The following DPP10 variants were observed in gnomAD, a reference collection of about 807,000 sequenced individuals.
The protein encoded by DPP10 is inactive dipeptidyl peptidase 10.
DPP10 carries 33 observed loss-of-function variants against 120.9 expected under a neutral mutation model. That is an observed-to-expected ratio of 0.27 (90% confidence interval 0.21 to 0.37). The LOEUF is 0.37. DPP10 is among the 10% of genes least tolerant of loss of function. DPP10 has a pLI of 1.00. For synonymous variants in DPP10, 337 were observed against 326.1 expected (o/e 1.03, Z -0.36); for missense variants, 816 against 942.8 (o/e 0.87, Z 1.76).
chr2:114,507,040 CT>C (rs1036405473), intron 1 of DPP10, among the ~76,000 whole-genome samples: 6 of 132,462 alleles, frequency 4.5e-5, no homozygotes, highest in Admixed American at 7.2e-5. Flanking sequence ...TCTTTTTTTT[CT>C]TTTTTTTTCT....
chr2:115,433,392 G>A (rs1230532861), intron 3 of DPP10, among the ~76,000 whole-genome samples: 1 of 151,588 alleles, frequency 6.6e-6, no homozygotes, highest in African/African-American at 2.4e-5. Context: ...ATTCAGGCAG[G>A]GCTACTTTAG....
intron 2 of DPP10, among the ~76,000 whole-genome samples, chr2:115,332,511 G>A (rs2062815843): frequency 6.6e-6 from 1 of 152,074 alleles, no homozygotes; most frequent in South Asian, 2.1e-4. Context: ...TTTTAATTGT[G>A]TTGTTAGGGT....
intron 3 of DPP10, among the ~76,000 whole-genome samples, chr2:115,498,652 C>G (rs951610325): frequency 2.0e-5 from 3 of 149,566 alleles, no homozygotes; most frequent in Admixed American, 6.7e-5. Context: ...ATATTCAAAC[C>G]TACTTTAATG....
intron 5 of DPP10, among the ~76,000 whole-genome samples, chr2:115,530,842 C>T (rs534226787): frequency 2.6e-5 from 4 of 152,072 alleles, no homozygotes; most frequent in African/African-American, 9.7e-5. Context: ...GAGGTATAGC[C>T]CCAGCTTTGG....
chr2:115,796,584 C>T (rs1369099052), intron 19 of DPP10, among the ~76,000 whole-genome samples: 1 of 152,076 alleles, frequency 6.6e-6, no homozygotes, highest in Admixed American at 6.6e-5. Context: ...TAGTTTTGTA[C>T]TCAGAATGAG....
intron 5 of DPP10, among the ~76,000 whole-genome samples, chr2:115,562,752 T>A (rs1254020733): frequency 2.0e-5 from 3 of 152,202 alleles, no homozygotes; most frequent in African/African-American, 7.2e-5. Context: ...TGAAAAACAC[T>A]ATTTCAGTTT....
At chr2:115,543,654 A>G (rs985215375) in intron 5 of DPP10, among the ~76,000 whole-genome samples, 1 of 151,914 alleles carries the variant, frequency 6.6e-6, no homozygotes, top group African/African-American at 2.4e-5. Flanking sequence ...TGTCTCCCTC[A>G]CATGCCTAGA....
At chr2:115,777,124 G>T in intron 13 of DPP10, 84 bp from the exon 14 acceptor site, 1 of 1,206,098 alleles carries the variant, frequency 8.3e-7, no homozygotes, top group Non-Finnish European at 1.2e-6. Context: ...AATTCGAAGT[G>T]TCACAAGCAG....
At position 115,462,620 on chromosome 2, in the gene DPP10, C is replaced by T. The variant is rs185647051; in HGVS notation, c.272-36890C>T. The stretch of plus-strand genomic sequence containing the variant: ...TAATATTGAATACAGAATCCGAAAC[C>T]GTAATAGGTTGTCTCACACATATAT... On this transcript the variant is annotated intron_variant, in intron 3 of 25. Coordinates refer to ENST00000410059, the MANE Select transcript of DPP10 (RefSeq NM_020868.6). 1.3e-3 allele frequency among the ~76,000 whole-genome samples: 197 copies of T among 152,050 alleles called. 1 individual carries two copies. The highest frequency in any genetic ancestry group is 4.6e-3 in the African/African-American group (190 of 41,458).
intron 1 of DPP10, among the ~76,000 whole-genome samples, chr2:115,003,913 A>C (rs976568858): frequency 1.3e-5 from 2 of 152,204 alleles, no homozygotes; most frequent in Admixed American, 1.3e-4. Flanking sequence ...GTATTAGTTT[A>C]CTACATAATG....
chr2:115,170,434 A>T (rs1297101827), intron 1 of DPP10, among the ~76,000 whole-genome samples: 3 of 152,324 alleles, frequency 2.0e-5, no homozygotes, highest in Non-Finnish European at 4.4e-5. Context: ...GAGGAAAAAA[A>T]ACTGAAATCC....
intron 5 of DPP10, among the ~76,000 whole-genome samples, chr2:115,602,314 A>G (rs550689266): frequency 6.6e-6 from 1 of 152,338 alleles, no homozygotes; most frequent in Non-Finnish European, 1.5e-5. Context: ...GAGAAACATA[A>G]TGAATGGTTT....
chr2:115,688,709 T>G (rs1239281794), intron 5 of DPP10, among the ~76,000 whole-genome samples: 2 of 152,162 alleles, frequency 1.3e-5, no homozygotes, highest in Non-Finnish European at 2.9e-5. Context: ...ATCTCATTAT[T>G]AAGAAGCAAA....
intron 1 of DPP10, among the ~76,000 whole-genome samples, chr2:114,714,654 G>T (rs1478698963): frequency 6.6e-6 from 1 of 152,094 alleles, no homozygotes; most frequent in Admixed American, 6.6e-5. Context: ...CATATTTAGG[G>T]TTTGGTTATT....
chr2:114,577,519 C>T (rs183632371), intron 1 of DPP10, among the ~76,000 whole-genome samples: 17 of 152,218 alleles, frequency 1.1e-4, no homozygotes, highest in Admixed American at 5.9e-4. Flanking sequence ...ATGACGAGGC[C>T]GGAGGGGCTC....
At chr2:114,837,592 A>G (rs1339027392) in intron 1 of DPP10, among the ~76,000 whole-genome samples, 1 of 152,198 alleles carries the variant, frequency 6.6e-6, no homozygotes, top group Non-Finnish European at 1.5e-5. Context: ...CAAAAAAAAA[A>G]ATGTGAAGAT....
At chr2:115,720,255 G>A (rs2092612833) in intron 7 of DPP10, among the ~76,000 whole-genome samples, 1 of 152,106 alleles carries the variant, frequency 6.6e-6, no homozygotes, top group Non-Finnish European at 1.5e-5. Flanking sequence ...TATTTTGTGT[G>A]TGTGTTTGCT....
At chr2:114,579,746 C>G (rs1169200449) in intron 1 of DPP10, among the ~76,000 whole-genome samples, 1 of 152,174 alleles carries the variant, frequency 6.6e-6, no homozygotes, top group Non-Finnish European at 1.5e-5. Context: ...GTCAGGAAAG[C>G]AGGAAATGAT....
chr2:115,590,358 C>T (rs2082574459), intron 5 of DPP10, among the ~76,000 whole-genome samples: 1 of 152,014 alleles, frequency 6.6e-6, no homozygotes, highest in African/African-American at 2.4e-5. Flanking sequence ...TGATGTTCCC[C>T]ACCCTGTGTC....
Sources: gnomAD v4.1 joint callset for allele counts (sites outside exome capture counted in the v4.1 genomes callset) on GRCh38, gnomAD v4.1.1 for gene constraint, MANE v1.5 for transcripts, NCBI Gene and HGNC (gene_info 2026-07-23, HGNC 2026-07-21) for gene names.